EPHA1: variants seen among roughly 807,000 people sequenced by gnomAD.
EPHA1 encodes the protein EPH receptor A1, also known as ephrin type-A receptor 1.
Under a neutral mutation model 110.1 loss-of-function variants are expected in EPHA1, and 92 were observed. The ratio of observed to expected loss-of-function variants is 0.84; its 90% CI spans 0.71 to 0.99. EPHA1 has a LOEUF of 0.99. Ranked by LOEUF, EPHA1 falls within the 50% of genes least tolerant of loss-of-function variation. The pLI is 0.00. For synonymous variants in EPHA1, 500 were observed against 516.1 expected (o/e 0.97, Z 0.42); for missense variants, 1,204 against 1,285.4 (o/e 0.94, Z 0.97).
chr7:143,400,081 A>T (rs1396722091), intron 3 of EPHA1, 28 bp from the exon 4 acceptor site: 7 of 1,563,012 alleles, frequency 4.5e-6, no homozygotes, highest in Admixed American at 1.8e-5. Context: ...AAGAAAGGGG[A>T]GCAATGGCAA....
chr7:143,398,950 G>A lies in EPHA1; in HGVS notation c.992-5C>T. On this transcript the variant is annotated splice_region_variant and splice_polypyrimidine_tract_variant and intron_variant, in intron 5 of 17. Coordinates refer to ENST00000275815, the MANE Select transcript of EPHA1 (RefSeq NM_005232.5). ...TTCGGGGGGCCGAGGGGGGACCTGT[G>A]GGAGAAGAGGAGCCATCAGTAGAAG... 1 of 1,589,360 alleles carries A rather than the reference G, an allele frequency of 6.3e-7. No homozygotes were observed. Among genetic ancestry groups the A allele is most frequent in the Non-Finnish European group, 8.6e-7 (1 of 1,167,596 alleles).
chr7:143,396,745 G>A (rs1241994494), intron 10 of EPHA1: 2 of 466,502 alleles, frequency 4.3e-6, no homozygotes, highest in Non-Finnish European at 7.8e-6. Context: ...CGGTGGCCAG[G>A]ATCCACACCC....
rs762092538 is a variant in EPHA1, at chr7:143,399,904, C to T, written c.582G>A (p.Leu194=). 2 of 1,611,878 alleles carry T rather than the reference C, an allele frequency of 1.2e-6. No homozygotes were observed. Among genetic ancestry groups the T allele is most frequent in the East Asian group, 4.5e-5 (2 of 44,754 alleles). The change falls in exon 4 of 18, where the codon CTG becomes CTA. Residue 194 remains leucine, a synonymous_variant. Transcript: ENST00000275815. ...AFHNPGACVA[L]VSVRVFYQRC... is the part of the protein sequence containing the mutation. ...GCTGGTAGAAGACCCGGACAGACAC[C>T]AGGGCCACACAGGCACCCGGGTTGT...
At chr7:143,392,177 T>C (rs1805106182) in intron 16 of EPHA1, among the ~76,000 whole-genome samples, 1 of 152,228 alleles carries the variant, frequency 6.6e-6, no homozygotes, top group Non-Finnish European at 1.5e-5. Flanking sequence ...CCTGCCTTTT[T>C]CCATAGTGGC....
chr7:143,401,467 C>T lies in EPHA1; in HGVS notation c.289G>A (p.Val97Met), dbSNP rs761922296. 11 of 1,613,988 alleles carry T rather than the reference C, an allele frequency of 6.8e-6. 1 individual carries two copies. The South Asian group carries it at 8.8e-5, about 13-fold the overall frequency. The change falls in exon 3 of 18, where the codon GTG becomes ATG. Residue 97 changes from valine to methionine, a missense_variant. Physicochemically the swap from Val to Met is conservative, Grantham distance 21 (BLOSUM62 1). Coordinates refer to ENST00000275815, the MANE Select transcript of EPHA1 (RefSeq NM_005232.5). The surrounding 1 kb of genome is among the most constrained non-coding windows in gnomAD (Gnocchi z 4.1). The part of the protein sequence containing the change: ...YRGEEASRVH[V>M]ELQFTVRDCK... ...TCCCGCACGGTGAACTGCAGCTCCA[C>T]GTGGACGCGGGAAGCCTCCTCCCCG... is the stretch of plus-strand genomic sequence containing the variant.
chr7:143,407,776 A>G (rs1805596530), intron 1 of EPHA1, 98 bp from the exon 2 acceptor site: 1 of 1,073,964 alleles, frequency 9.3e-7, no homozygotes, highest in African/African-American at 1.6e-5. Context: ...AGGCTGCAAC[A>G]TCCTGTTCCT....
rs1175160038 is a variant in EPHA1 at position 143,394,351 on chromosome 7, G to A, written c.2353-8C>T. ...GATAGGGATCTTTCCTCCCTAAGAA[G>A]GCACATGGGTCAGGGACGGAAAGTT... On this transcript the variant is annotated splice_region_variant and splice_polypyrimidine_tract_variant and intron_variant, in intron 14 of 17. Transcript: ENST00000275815. 1 of 1,612,722 alleles carries A rather than the reference G, an allele frequency of 6.2e-7. No homozygotes were observed. Among genetic ancestry groups the A allele is most frequent in the East Asian group, 2.2e-5 (1 of 44,840 alleles).
intron 16 of EPHA1, 44 bp from the exon 17 acceptor site, chr7:143,391,819 A>G: frequency 6.2e-7 from 1 of 1,603,976 alleles, no homozygotes; most frequent in East Asian, 2.2e-5. Context: ...ACATGGGCTG[A>G]TCTGGTTGGC....
intron 6 of EPHA1, 61 bp downstream of exon 6, chr7:143,398,540 T>C (rs1805324700): frequency 1.2e-6 from 2 of 1,607,440 alleles, no homozygotes; most frequent in Non-Finnish European, 1.7e-6. Context: ...CAGTTTGTTC[T>C]GTGGTCTTAA....
Position 143,398,385 on chromosome 7 carries a change from C to A in EPHA1, c.1400G>T (p.Trp467Leu), listed in dbSNP as rs751886971. ...AGGGCTTCGGGGCCGGGACCCCGCC[C>A]AGGTCAGCTCTAGTTGCCTCGGTTC... ...KKEPRQLELT[W>L]AGSRPRSPGA... The change falls in exon 7 of 18, where the codon TGG becomes TTG. Residue 467 changes from tryptophan (W) to leucine (L), a missense_variant. By Grantham distance (61) the Trp-to-Leu change is moderately conservative. Coordinates refer to ENST00000275815, the MANE Select transcript of EPHA1 (RefSeq NM_005232.5). 21 of 1,614,036 alleles carry A rather than the reference C, an allele frequency of 1.3e-5. No homozygotes were observed. Among genetic ancestry groups the A allele is most frequent in the Admixed American group, 6.7e-5 (4 of 60,006 alleles).
At position 143,401,725 on chromosome 7, in the gene EPHA1, G is replaced by T; in HGVS notation, c.151-120C>A. 1 of 1,221,126 alleles carries T rather than the reference G, an allele frequency of 8.2e-7. No individual in the cohort carries two copies. The highest frequency in any genetic ancestry group is 1.1e-6 in the Non-Finnish European group (1 of 870,678). 75.6% of individuals were successfully genotyped at this position (1,221,126 alleles called of 1,614,324 possible). On this transcript the variant is annotated intron_variant, in intron 2 of 17. Transcript: ENST00000275815. The surrounding 1 kb of genome is among the most constrained non-coding windows in gnomAD (Gnocchi z 4.1). ...CCCTCAGGTTTATGCTACTTGTTCT[G>T]CCTCTCCCCACCCCTCAGCTCCAGG...
At chr7:143,400,356 T>C (rs1586585065) in intron 3 of EPHA1, among the ~76,000 whole-genome samples, 3 of 152,320 alleles carry the variant, frequency 2.0e-5, no homozygotes, top group African/African-American at 4.8e-5. Flanking sequence ...ATCCAGGCAT[T>C]GGGACTCTAC....
At chr7:143,408,384 G>C (rs905722946) in intron 1 of EPHA1, among the ~76,000 whole-genome samples, 1 of 152,116 alleles carries the variant, frequency 6.6e-6, no homozygotes, top group Admixed American at 6.5e-5. Flanking sequence ...AGATCTCTGG[G>C]GTGGGCACCT....
At chr7:143,396,562 T>C (rs1805258159) in intron 10 of EPHA1, 52 bp from the exon 11 acceptor site, 2 of 1,598,204 alleles carry the variant, frequency 1.3e-6, no homozygotes, top group South Asian at 1.1e-5. Flanking sequence ...CTCAGGAGTA[T>C]GGGGGTCAGG....
At chr7:143,404,149 G>A (rs1412829857) in intron 2 of EPHA1, among the ~76,000 whole-genome samples, 5 of 151,840 alleles carry the variant, frequency 3.3e-5, no homozygotes, top group South Asian at 2.1e-4. Context: ...TAAAATTTGT[G>A]TAGGTTGGCT....
chr7:143,406,539 G>T (rs974242349), intron 2 of EPHA1, among the ~76,000 whole-genome samples: 2 of 152,254 alleles, frequency 1.3e-5, no homozygotes, highest in African/African-American at 4.8e-5. Flanking sequence ...ACCCGAGGAG[G>T]AGGGTCAGGT....
rs779160825 is a variant in EPHA1, at chr7:143,394,904, G to T, written c.2256C>A (p.Ala752=). The T allele has an allele frequency of 6.2e-7, 1 of 1,614,046 alleles. No individual in the cohort carries two copies. The highest frequency in any genetic ancestry group is 1.3e-5 in the African/African-American group (1 of 74,932). ...NHNYVHRDLA[A]RNILVNQNLC... ...GGTTTTGATTCACCAAGATGTTTCT[G>T]GCAGCCAGGTCCCGGTGGACATAAT... Residue 752 remains alanine (A), a synonymous_variant, in exon 14 of 18, where the codon GCC becomes GCA. Coordinates refer to ENST00000275815, the MANE Select transcript of EPHA1 (RefSeq NM_005232.5).
At chr7:143,399,465 G>T in intron 4 of EPHA1, 52 bp from the exon 5 acceptor site, 1 of 1,546,814 alleles carries the variant, frequency 6.5e-7, no homozygotes, top group South Asian at 1.3e-5. Flanking sequence ...TTTACAGGCA[G>T]AACCACCACC....
intron 11 of EPHA1, among the ~76,000 whole-genome samples, 161 bp downstream of exon 11, chr7:143,396,224 A>G (rs921854766): frequency 6.6e-6 from 1 of 152,246 alleles, no homozygotes; most frequent in African/African-American, 2.4e-5. Context: ...GCAATGGTTC[A>G]AAGAGGATAC....
Sources: gnomAD v4.1 joint callset for allele counts (sites outside exome capture counted in the v4.1 genomes callset) on GRCh38, gnomAD v4.1.1 for gene constraint, Gnocchi (gnomAD v3.1) non-coding constraint, MANE v1.5 for transcripts, NCBI Gene and HGNC (gene_info 2026-07-23, HGNC 2026-07-21) for gene names.